Variants in SEMA6D observed in about 807,000 individuals in gnomAD.
SEMA6D encodes the protein semaphorin 6D, also known as semaphorin-6D.
SEMA6D carries 35 observed loss-of-function variants against 106.6 expected under a neutral mutation model. The ratio of observed to expected loss-of-function variants is 0.33; its 90% CI spans 0.25 to 0.44. The LOEUF (loss-of-function observed/expected upper bound fraction) is 0.44. SEMA6D is among the 20% of genes least tolerant of loss of function. The probability of loss-of-function intolerance (pLI) is 1.00; values close to 1 mark genes in which losing one functional copy is unlikely to be tolerated. For synonymous variants in SEMA6D, 499 were observed against 487.7 expected, an observed-to-expected ratio of 1.02 and a Z score of -0.31; for missense variants, 1,185 against 1,345.9, an observed-to-expected ratio of 0.88 and a Z score of 1.87.
chr15:47,765,179 T>G, intron 13 of SEMA6D, 123 bp downstream of exon 13: 1 of 1,450,380 alleles, frequency 6.9e-7, no homozygotes, highest in South Asian at 1.6e-5. Flanking sequence ...TGTTTTGTGT[T>G]TTTTTTCTCA....
intron 4 of SEMA6D, among the ~76,000 whole-genome samples, chr15:47,700,131 A>AG (rs11434404): frequency 0.32 from 48,147 of 152,112 alleles, 8,059 homozygotes; most frequent in African/African-American, 0.41. Flanking sequence ...TAAATCAAAA[A>AG]GGAACTAAAT....
chr15:47,729,328 T>G (rs1344062531), intron 1 of SEMA6D, among the ~76,000 whole-genome samples: 1 of 152,210 alleles, frequency 6.6e-6, no homozygotes, highest in African/African-American at 2.4e-5. Context: ...GTTCATTTAT[T>G]TCTTCTCAGG....
intron 1 of SEMA6D, among the ~76,000 whole-genome samples, chr15:47,223,413 T>C (rs1236220027): frequency 6.6e-6 from 1 of 152,154 alleles, no homozygotes; most frequent in Non-Finnish European, 1.5e-5. Context: ...CGAAAGGTTT[T>C]TAAGGGTCTT....
rs1226639382 is a variant in SEMA6D at position 47,764,349 on chromosome 15, T to A, written c.1097+44T>A. The A allele has an allele frequency of 7.6e-6, 12 of 1,585,816 alleles. 1 individual carries two copies. The South Asian group carries it at 8.2e-5, about 11-fold the overall frequency. ...AAGGGTTTTGTCTTGAACAAAACCT[T>A]CCGGTCATTGGAAGCATCCCTCCTC... On this transcript the variant is annotated intron_variant, in intron 11 of 18. Transcript: ENST00000536845.
intron 4 of SEMA6D, among the ~76,000 whole-genome samples, chr15:47,708,313 T>C (rs1487119992): frequency 1.3e-5 from 2 of 152,206 alleles, no homozygotes; most frequent in East Asian, 3.8e-4. Context: ...ACACTAATCG[T>C]GGCCCCAGTA....
chr15:47,540,695 T>A (rs888982493), intron 3 of SEMA6D, among the ~76,000 whole-genome samples: 6 of 152,008 alleles, frequency 3.9e-5, no homozygotes, highest in Non-Finnish European at 8.8e-5. Flanking sequence ...ATATGATGAA[T>A]CTTAAAATGA....
At chr15:47,734,839 G>A (rs1307494858) in intron 1 of SEMA6D, among the ~76,000 whole-genome samples, 1 of 152,178 alleles carries the variant, frequency 6.6e-6, no homozygotes, top group African/African-American at 2.4e-5. Context: ...ATTGAAATTA[G>A]CACTCTTCTT....
At chr15:47,709,389 CA>C (rs1367100863) in intron 4 of SEMA6D, among the ~76,000 whole-genome samples, 3 of 152,122 alleles carry the variant, frequency 2.0e-5, no homozygotes. Context: ...CTTAAATTAC[CA>C]AAGTCAGGTT....
At chr15:47,444,838 T>C (rs1356855538) in intron 2 of SEMA6D, among the ~76,000 whole-genome samples, 1 of 152,066 alleles carries the variant, frequency 6.6e-6, no homozygotes, top group Admixed American at 6.5e-5. Flanking sequence ...AGCTTTGCCA[T>C]CCGCAGATAG....
At chr15:47,515,047 G>A (rs192368446) in intron 3 of SEMA6D, among the ~76,000 whole-genome samples, 121 of 152,120 alleles carry the variant, frequency 8.0e-4, no homozygotes, top group Non-Finnish European at 1.5e-3. Context: ...CCTTGCATTC[G>A]CCTGGCAGCG....
At chr15:47,333,782 G>A (rs569165729) in intron 1 of SEMA6D, among the ~76,000 whole-genome samples, 70 of 152,288 alleles carry the variant, frequency 4.6e-4, no homozygotes, top group African/African-American at 1.2e-3. Flanking sequence ...TGTGTGCTGA[G>A]GTGTTATGAT....
At chr15:47,425,440 C>CT (rs1260612435) in intron 2 of SEMA6D, among the ~76,000 whole-genome samples, 1 of 152,010 alleles carries the variant, frequency 6.6e-6, no homozygotes, top group African/African-American at 2.4e-5. Context: ...AAGCACCATA[C>CT]TTTGGGGTAT....
chr15:47,266,207 C>CT (rs1046817683), intron 1 of SEMA6D, among the ~76,000 whole-genome samples: 7 of 151,956 alleles, frequency 4.6e-5, no homozygotes, highest in African/African-American at 1.2e-4. Context: ...TGCCAATTGT[C>CT]TTTTTTTGCC....
chr15:47,259,645 A>G (rs1184584472), intron 1 of SEMA6D, among the ~76,000 whole-genome samples: 4 of 151,898 alleles, frequency 2.6e-5, no homozygotes, highest in Non-Finnish European at 5.9e-5. Flanking sequence ...TAATGATGAT[A>G]TTTCTTGGTA....
chr15:47,444,184 G>T (rs1221100026), intron 2 of SEMA6D, among the ~76,000 whole-genome samples: 1 of 152,160 alleles, frequency 6.6e-6, no homozygotes. Flanking sequence ...AAGTCTCATG[G>T]AGTTTATAAT....
Position 47,186,557 on chromosome 15 carries a change from T to C in SEMA6D, c.-239+2139T>C, listed in dbSNP as rs1893589437. ...TTTTTTTTTTGCTTAAAAACTATTA[T>C]ATTTTCAACTCTATTATTTTACATT... On this transcript the variant is annotated intron_variant, in intron 1 of 19. Transcript: ENST00000558014. Among the ~76,000 whole-genome samples, 3 of 151,874 alleles carry C rather than the reference T, an allele frequency of 2.0e-5. No homozygotes were observed. In the South Asian group the frequency reaches 6.2e-4, roughly 31 times the overall value.
Position 47,356,174 on chromosome 15 carries a change from G to A in SEMA6D, c.-238-56219G>A, listed in dbSNP as rs548117018. Among the ~76,000 whole-genome samples the A allele has an allele frequency of 9.9e-5, 15 of 152,104 alleles. No individual in the cohort carries two copies. In the South Asian group the frequency reaches 1.5e-3, roughly 15 times the overall value. On this transcript the variant is annotated intron_variant, in intron 1 of 19. Coordinates refer to the SEMA6D transcript ENST00000558014. ...TTTTAAATATTCATTTGAGAGAGTC[G>A]GAGAAAAGAAAAGAGATGGCAAGAG...
At chr15:47,280,428 A>G (rs891906970) in intron 1 of SEMA6D, among the ~76,000 whole-genome samples, 2 of 148,706 alleles carry the variant, frequency 1.3e-5, no homozygotes, top group Non-Finnish European at 3.0e-5. Context: ...TTTTTTCTTT[A>G]TTAGTGTTGC....
chr15:47,312,213 C>T (rs550895210), intron 1 of SEMA6D, among the ~76,000 whole-genome samples: 3 of 150,886 alleles, frequency 2.0e-5, no homozygotes, highest in Middle Eastern at 3.2e-3. Context: ...TGGATGACAG[C>T]GATAGCTCCT....
Sources: gnomAD v4.1 joint callset for allele counts (sites outside exome capture counted in the v4.1 genomes callset) on GRCh38, gnomAD v4.1.1 for gene constraint, MANE v1.5 for transcripts, NCBI Gene and HGNC (gene_info 2026-07-23, HGNC 2026-07-21) for gene names.